Variants in ZBTB44 observed in about 807,000 individuals in gnomAD.
ZBTB44 encodes the protein zinc finger and BTB domain-containing protein 44.
ZBTB44 carries 15 observed loss-of-function variants against 54.0 expected under a neutral mutation model. The observed-to-expected ratio is 0.28, with a 90% confidence interval of 0.19 to 0.43. The LOEUF (loss-of-function observed/expected upper bound fraction) is 0.43, where lower values mean the gene tolerates loss of function less well. ZBTB44 is among the 20% of genes least tolerant of loss of function. The pLI, the probability that ZBTB44 is intolerant of heterozygous loss-of-function variation, is 1.00. For missense variants in ZBTB44, 487 were observed against 707.1 expected, an observed-to-expected ratio of 0.69 and a Z score of 3.53; for synonymous variants, 230 against 250.1, an observed-to-expected ratio of 0.92 and a Z score of 0.76.
intron 2 of ZBTB44, among the ~76,000 whole-genome samples, chr11:130,246,257 C>A (rs1954640695): frequency 6.6e-6 from 1 of 152,094 alleles, no homozygotes; most frequent in Non-Finnish European, 1.5e-5. Context: ...GATTTAACAG[C>A]AGAATATATA....
At chr11:130,274,767 C>G (rs1231478405) in intron 1 of ZBTB44, among the ~76,000 whole-genome samples, 1 of 152,020 alleles carries the variant, frequency 6.6e-6, no homozygotes, top group Non-Finnish European at 1.5e-5. Context: ...TTTGCTAGTA[C>G]TTTGTTGAGG....
At chr11:130,284,738 T>C (rs1173443637) in intron 1 of ZBTB44, among the ~76,000 whole-genome samples, 1 of 152,140 alleles carries the variant, frequency 6.6e-6, no homozygotes, top group Non-Finnish European at 1.5e-5. Flanking sequence ...TGGTGGCACG[T>C]GCCTGTAATC....
chr11:130,294,132 G>T (rs571496053), intron 1 of ZBTB44, among the ~76,000 whole-genome samples: 3 of 152,140 alleles, frequency 2.0e-5, no homozygotes, highest in African/African-American at 7.2e-5. Context: ...TTATAGGCCG[G>T]GCACGGTAAC....
chr11:130,252,197 A>T (rs1222810999), intron 2 of ZBTB44, among the ~76,000 whole-genome samples: 2 of 152,248 alleles, frequency 1.3e-5, no homozygotes, highest in Non-Finnish European at 2.9e-5. Context: ...ATATAATGGC[A>T]GACGGATCAA....
intron 5 of ZBTB44, among the ~76,000 whole-genome samples, chr11:130,235,365 G>A (rs1238885589): frequency 6.6e-6 from 1 of 152,126 alleles, no homozygotes; most frequent in Non-Finnish European, 1.5e-5. Context: ...AACAAACTAT[G>A]TTTAATATGA....
intron 1 of ZBTB44, among the ~76,000 whole-genome samples, chr11:130,263,727 A>G (rs138952771): frequency 2.6e-5 from 4 of 152,214 alleles, no homozygotes; most frequent in Admixed American, 6.5e-5. Flanking sequence ...CTTGAGTTAC[A>G]TCCACCTTCA....
At chr11:130,306,673 C>T (rs892106029) in intron 1 of ZBTB44, among the ~76,000 whole-genome samples, 1 of 152,082 alleles carries the variant, frequency 6.6e-6, no homozygotes, top group Non-Finnish European at 1.5e-5. Context: ...GCCCATCAAA[C>T]AACGAGCAGA....
At chr11:130,274,997 T>C (rs553125185) in intron 1 of ZBTB44, among the ~76,000 whole-genome samples, 75 of 152,350 alleles carry the variant, frequency 4.9e-4, no homozygotes, top group African/African-American at 1.7e-3. Context: ...GGGCTTTTCA[T>C]TGAAGGTAGT....
chr11:130,278,556 C>T (rs1420612956), intron 1 of ZBTB44, among the ~76,000 whole-genome samples: 5 of 152,104 alleles, frequency 3.3e-5, no homozygotes, highest in Non-Finnish European at 7.4e-5. Context: ...TTCCAGAACT[C>T]CCATTACTCT....
chr11:130,274,806 A>G (rs996911255), intron 1 of ZBTB44, among the ~76,000 whole-genome samples: 3 of 152,180 alleles, frequency 2.0e-5, no homozygotes, highest in South Asian at 2.1e-4. Flanking sequence ...CATAAGAGAT[A>G]TTGGTCTGGA....
chr11:130,236,230 A>C, intron 5 of ZBTB44: 1 of 1,280,936 alleles, frequency 7.8e-7, no homozygotes, highest in Non-Finnish European at 1.0e-6. Flanking sequence ...TAAATCAGAA[A>C]GGTAATTCTA....
intron 2 of ZBTB44, among the ~76,000 whole-genome samples, chr11:130,250,602 G>A (rs1368933386): frequency 6.6e-6 from 1 of 152,220 alleles, no homozygotes; most frequent in Non-Finnish European, 1.5e-5. Flanking sequence ...AATCTTTGCT[G>A]TTCTGCAGCC....
rs569735400 is a variant in ZBTB44 at position 130,287,092 on chromosome 11, T to G, written c.-56-25163A>C. On this transcript the variant is annotated intron_variant, in intron 1 of 7. Transcript: ENST00000357899. ...GCAAATTCAATGTCTGAAAACAAAC[T>G]CAAATTATTACCCAACTAACATACC... is the stretch of plus-strand genomic sequence containing the variant. Among the ~76,000 whole-genome samples the G allele has an allele frequency of 1.6e-3, 241 of 152,266 alleles. 5 individuals carry two copies. In the South Asian group the frequency reaches 0.035, roughly 22 times the overall value.
Position 130,296,872 on chromosome 11 carries a change from C to G in ZBTB44, c.-57+17503G>C, listed in dbSNP as rs543575520. ...AATAACTTAAATTTGCCTCAAGTTG[C>G]TCTGCCATTTGATTTCAAAGTGCCT... is the stretch of plus-strand genomic sequence containing the variant. On this transcript the variant is annotated intron_variant, in intron 1 of 7. Transcript: ENST00000357899. 1.4e-3 allele frequency: 1,035 copies of G among 732,562 alleles called. 18 individuals are homozygous for G. The highest frequency in any genetic ancestry group is 7.5e-4 in the Admixed American group (40 of 53,272). 45.4% of individuals were successfully genotyped at this position (732,562 alleles called of 1,614,324 possible).
At chr11:130,266,677 T>C (rs1939271163) in intron 1 of ZBTB44, among the ~76,000 whole-genome samples, 1 of 152,006 alleles carries the variant, frequency 6.6e-6, no homozygotes, top group Admixed American at 6.6e-5. Flanking sequence ...CTTTGAGAGG[T>C]TCAAGACTTT....
chr11:130,273,307 A>ATT (rs34506406), intron 1 of ZBTB44, among the ~76,000 whole-genome samples: 2,024 of 126,278 alleles, frequency 0.016, 66 homozygotes, highest in East Asian at 0.034. Context: ...TATTTTCTTA[A>ATT]TTTTTTTTTT....
At chr11:130,262,137 T>TTTTTG (rs553306822) in intron 1 of ZBTB44, among the ~76,000 whole-genome samples, 1 of 152,108 alleles carries the variant, frequency 6.6e-6, no homozygotes, top group African/African-American at 2.4e-5. Flanking sequence ...CCAATGTTTT[T>TTTTTG]TTTTGTTTTG....
At chr11:130,247,477 G>C (rs994187810) in intron 2 of ZBTB44, among the ~76,000 whole-genome samples, 15 of 152,074 alleles carry the variant, frequency 9.9e-5, no homozygotes, top group African/African-American at 3.4e-4. Flanking sequence ...AAAATATTTT[G>C]GTTATTCAGA....
intron 1 of ZBTB44, among the ~76,000 whole-genome samples, chr11:130,313,857 G>A (rs1565346391): frequency 1.3e-5 from 2 of 151,996 alleles, no homozygotes; most frequent in African/African-American, 2.4e-5. Flanking sequence ...GATTAGGCCA[G>A]CAATAAAACG....
Sources: gnomAD v4.1 joint callset for allele counts (sites outside exome capture counted in the v4.1 genomes callset) on GRCh38, gnomAD v4.1.1 for gene constraint, MANE v1.5 for transcripts, NCBI Gene and HGNC (gene_info 2026-07-23, HGNC 2026-07-21) for gene names.